The following BMP8A variants were observed in gnomAD, a reference collection of about 807,000 sequenced individuals.
The protein encoded by BMP8A is BMP-8A.
A neutral mutation model predicts 36.8 loss-of-function variants in BMP8A; 14 were observed. That is an observed-to-expected ratio of 0.38 (90% CI 0.25 to 0.60). The LOEUF is 0.60. Among genes scored for constraint, BMP8A ranks in the 20% least tolerant of loss-of-function variants. The pLI is 0.63. For missense variants in BMP8A, 267 were observed against 551.1 expected (o/e 0.48, Z 5.16); for synonymous variants, 120 against 237.7 (o/e 0.50, Z 4.55).
At chr1:39,495,792 TC>T (rs1187155473) in intron 1 of BMP8A, among the ~76,000 whole-genome samples, 1 of 151,344 alleles carries the variant, frequency 6.6e-6, no homozygotes, top group African/African-American at 2.4e-5. Context: ...CTCTGCACAC[TC>T]CTTCTGAATC....
chr1:39,504,672 TAA>T (rs1645284591), intron 1 of BMP8A, among the ~76,000 whole-genome samples: 2 of 152,224 alleles, frequency 1.3e-5, no homozygotes, highest in South Asian at 2.1e-4. Context: ...AGAAAAGAAA[TAA>T]GACACAGAGA....
intron 3 of BMP8A, chr1:39,515,470 T>G (rs1645388302): frequency 5.4e-6 from 5 of 917,572 alleles, no homozygotes; most frequent in Non-Finnish European, 7.8e-6. Context: ...GGCGCCCCCA[T>G]CCGCTACACC....
At chr1:39,509,558 C>T (rs1645333088) in intron 1 of BMP8A, among the ~76,000 whole-genome samples, 1 of 152,178 alleles carries the variant, frequency 6.6e-6, no homozygotes, top group African/African-American at 2.4e-5. Context: ...TTCATTTTTC[C>T]TCCGCCCTGG....
Position 39,516,056 on chromosome 1 carries a change from G to T in BMP8A, c.673+4152G>T. 3 of 930,142 alleles carry T rather than the reference G, an allele frequency of 3.2e-6. No individual in the cohort carries two copies. In the South Asian group the frequency reaches 5.1e-5, roughly 16 times the overall value. The allele number at this position is 930,142 out of a possible 1,614,324, so 57.6% of individuals were successfully genotyped here. A position where few individuals can be genotyped will look rare whatever the true frequency, so the allele number is the denominator to read the frequency against. On this transcript the variant is annotated intron_variant, in intron 3 of 6. Transcript: ENST00000331593. The stretch of plus-strand genomic sequence containing the variant: ...GCAGACGGTCACGGTGCTTCCCGGG[G>T]GCTGCTTCTTCGCCAGCGACGACTC...
chr1:39,525,854 G>C lies in BMP8A; in HGVS notation c.*56G>C, dbSNP rs1645478695. ...CTTCTCATCTGGATCGGGCCCTGCA[G>C]AGGCAGAAAACCCTTAAATGCTGTC... On this transcript the variant is annotated 3_prime_UTR_variant, in exon 7 of 7. Transcript: ENST00000331593. 39 of 1,607,522 alleles carry C rather than the reference G, an allele frequency of 2.4e-5. 1 individual carries two copies. In the South Asian group the frequency reaches 3.7e-4, roughly 15 times the overall value.
intron 6 of BMP8A, chr1:39,523,579 C>CAGGA: frequency 7.1e-7 from 1 of 1,404,334 alleles, no homozygotes. Flanking sequence ...GCACCACAGG[C>CAGGA]AGGAAGCTTC....
intron 1 of BMP8A, among the ~76,000 whole-genome samples, chr1:39,504,610 C>T (rs1217558263): frequency 6.6e-6 from 1 of 152,224 alleles, no homozygotes; most frequent in Admixed American, 6.5e-5. Context: ...ATGAAGGGGG[C>T]CTGCCCCTCC....
intron 1 of BMP8A, among the ~76,000 whole-genome samples, chr1:39,500,239 C>T (rs1446215661): frequency 1.3e-5 from 2 of 152,172 alleles, no homozygotes; most frequent in African/African-American, 2.4e-5. Context: ...GTATTTTTTT[C>T]CCCTTACTTT....
At position 39,526,134 on chromosome 1, in the gene BMP8A, G is replaced by A. The variant is rs1382627324; in HGVS notation, c.*336G>A. Among the ~76,000 whole-genome samples, 2 of 152,142 alleles carry A rather than the reference G, an allele frequency of 1.3e-5. No homozygotes were observed. Among genetic ancestry groups the A allele is most frequent in the Non-Finnish European group, 2.9e-5 (2 of 68,030 alleles). On this transcript the variant is annotated 3_prime_UTR_variant, in exon 7 of 7. Transcript: ENST00000331593. ...CGGATGGTCTGAGGTTGGCTGACCC[G>A]AGCTTTTCTCCATTCACCAGAGGGT...
intron 1 of BMP8A, among the ~76,000 whole-genome samples, chr1:39,504,397 A>G (rs1570285203): frequency 6.6e-6 from 1 of 152,270 alleles, no homozygotes; most frequent in South Asian, 2.1e-4. Context: ...GCAGGAAAAC[A>G]TGTGAGCAAA....
Position 39,516,131 on chromosome 1 carries a change from A to G in BMP8A, c.673+4227A>G. 5 of 632,658 alleles carry G rather than the reference A, an allele frequency of 7.9e-6. 1 individual carries two copies. Among genetic ancestry groups the G allele is most frequent in the Non-Finnish European group, 1.2e-5 (5 of 407,512 alleles). The allele number at this position is 632,658 out of a possible 1,614,324, so 39.2% of individuals were successfully genotyped here. A position where few individuals can be genotyped will look rare whatever the true frequency, so the allele number is the denominator to read the frequency against. On this transcript the variant is annotated intron_variant, in intron 3 of 6. Coordinates refer to ENST00000331593, the MANE Select transcript of BMP8A (RefSeq NM_181809.4). ...CATCCAACTAACCATGCTTGGAGCC[A>G]TGCAGGTTTCCAAATACGGCGACCT...
intron 1 of BMP8A, among the ~76,000 whole-genome samples, chr1:39,500,351 A>C (rs949610561): frequency 5.3e-5 from 8 of 152,208 alleles, no homozygotes; most frequent in African/African-American, 1.7e-4. Flanking sequence ...CAATATCTGG[A>C]GACCTTTTTA....
chr1:39,501,016 T>C (rs1645249129), intron 1 of BMP8A, among the ~76,000 whole-genome samples: 1 of 152,210 alleles, frequency 6.6e-6, no homozygotes, highest in African/African-American at 2.4e-5. Context: ...GGCAGCTGCA[T>C]CTGGTGAGAG....
intron 1 of BMP8A, among the ~76,000 whole-genome samples, chr1:39,503,482 A>G (rs144268397): frequency 1.2e-4 from 18 of 150,240 alleles, no homozygotes; most frequent in African/African-American, 4.2e-4. Flanking sequence ...TTAGCCAGGC[A>G]TAGTGGCATT....
At chr1:39,518,351 G>A (rs1645408819) in intron 3 of BMP8A, among the ~76,000 whole-genome samples, 1 of 136,392 alleles carries the variant, frequency 7.3e-6, no homozygotes, top group African/African-American at 3.0e-5. Flanking sequence ...GCACAGACTG[G>A]GGGTGTGGAA....
intron 1 of BMP8A, among the ~76,000 whole-genome samples, chr1:39,497,585 C>G (rs906464234): frequency 6.6e-6 from 1 of 152,230 alleles, no homozygotes; most frequent in African/African-American, 2.4e-5. Flanking sequence ...GGGACAGGCT[C>G]TTTCCAGGCA....
intron 3 of BMP8A, among the ~76,000 whole-genome samples, chr1:39,517,052 G>A (rs1052135402): frequency 1.3e-5 from 2 of 151,952 alleles, no homozygotes; most frequent in Non-Finnish European, 2.9e-5. Context: ...GCAATGGAAT[G>A]CAGTGATCTC....
At position 39,529,588 on chromosome 1, in the gene BMP8A, T is replaced by A. The variant is rs559879082; in HGVS notation, c.*3790T>A. On this transcript the variant is annotated 3_prime_UTR_variant, in exon 7 of 7. Transcript: ENST00000331593. ...TCCACCCCCTGCTTTTTAAAAAAAA[T>A]TTTTTCTCACGTAAGAAAATGTTAT... Among the ~76,000 whole-genome samples, 82 of 152,252 alleles carry A rather than the reference T, an allele frequency of 5.4e-4. 1 individual carries two copies. The highest frequency in any genetic ancestry group is 4.3e-3 in the East Asian group (22 of 5,170).
intron 3 of BMP8A, chr1:39,515,112 A>G: frequency 6.3e-7 from 1 of 1,580,094 alleles, no homozygotes; most frequent in South Asian, 1.2e-5. Flanking sequence ...GGTGAAGGAC[A>G]TCTCTGACGG....
Sources: gnomAD v4.1 joint callset for allele counts (sites outside exome capture counted in the v4.1 genomes callset) on GRCh38, gnomAD v4.1.1 for gene constraint, MANE v1.5 for transcripts, NCBI Gene and HGNC (gene_info 2026-07-23, HGNC 2026-07-21) for gene names.